Variants in TENT4B observed in about 807,000 individuals in gnomAD.
TENT4B encodes terminal nucleotidyltransferase 4B.
In TENT4B, 10 loss-of-function variants were observed where a neutral mutation model predicts 75.0. That is an observed-to-expected ratio of 0.13 (90% CI 0.08 to 0.23). The LOEUF (loss-of-function observed/expected upper bound fraction) is 0.23. TENT4B is among the 10% of genes least tolerant of loss of function. The probability of loss-of-function intolerance (pLI) is 1.00; values close to 1 mark genes in which losing one functional copy is unlikely to be tolerated. For synonymous variants in TENT4B, 350 were observed against 357.7 expected, an observed-to-expected ratio of 0.98 and a Z score of 0.24; for missense variants, 579 against 893.8, an observed-to-expected ratio of 0.65 and a Z score of 4.49.
rs2032397186 is a variant in TENT4B at position 50,234,782 on chromosome 16, G to A, written c.*5454G>A. The A allele has an allele frequency of 1.0e-6, 1 of 985,500 alleles. No individual in the cohort carries two copies. Among genetic ancestry groups the A allele is most frequent in the Non-Finnish European group, 1.2e-6 (1 of 829,942 alleles). The allele number at this position is 985,500 out of a possible 1,614,324, so 61.0% of individuals were successfully genotyped here. A position where few individuals can be genotyped will look rare whatever the true frequency, so the allele number is the denominator to read the frequency against. On this transcript the variant is annotated 3_prime_UTR_variant, in exon 12 of 12. Coordinates refer to ENST00000561678, the MANE Select transcript of TENT4B (RefSeq NM_001365324.3). ...ATGGGTGAAAAGTGAGGGACGACCA[G>A]TGTAGTTTCTGGATATAAAGTGTGA...
intron 1 of TENT4B, among the ~76,000 whole-genome samples, chr16:50,155,975 C>T (rs949463067): frequency 3.3e-5 from 5 of 151,884 alleles, no homozygotes; most frequent in Non-Finnish European, 7.4e-5. Context: ...TAGAAATTGT[C>T]CTCTCCTCTA....
At chr16:50,225,357 C>T (rs774325952) in intron 10 of TENT4B, 72 bp downstream of exon 10, 34 of 1,373,098 alleles carry the variant, frequency 2.5e-5, no homozygotes, top group Middle Eastern at 1.9e-4. Flanking sequence ...AACACTGTCT[C>T]GAAGGCTAAG....
At chr16:50,222,240 C>G (rs1379653534) in intron 5 of TENT4B, 66 bp from the exon 6 acceptor site, 2 of 1,406,064 alleles carry the variant, frequency 1.4e-6, no homozygotes, top group African/African-American at 2.9e-5. Flanking sequence ...CCAATTTATG[C>G]CCCTCTTAAT....
intron 1 of TENT4B, among the ~76,000 whole-genome samples, chr16:50,172,572 C>CT (rs745326688): frequency 1.1e-3 from 167 of 148,048 alleles, no homozygotes; most frequent in Non-Finnish European, 2.0e-3. Flanking sequence ...CATAGTTTCT[C>CT]TATCTCCCTC....
intron 1 of TENT4B, among the ~76,000 whole-genome samples, chr16:50,194,271 A>G (rs1409050134): frequency 2.8e-5 from 4 of 142,416 alleles, no homozygotes; most frequent in African/African-American, 1.1e-4. Context: ...GCTGGAGTGC[A>G]ATGGTGCAAT....
In TENT4B at chr16:50,214,097, CTT is replaced by C. The variant is rs1166723374; in HGVS notation, c.763-123_763-122del. The C allele has an allele frequency of 3.5e-4, 247 of 698,066 alleles. 2 individuals are homozygous for C. In the East Asian group the frequency reaches 7.0e-3, roughly 20 times the overall value. The allele number at this position is 698,066 out of a possible 1,614,324, so 43.2% of individuals were successfully genotyped here. A position where few individuals can be genotyped will look rare whatever the true frequency, so the allele number is the denominator to read the frequency against. On this transcript the variant is annotated intron_variant, in intron 2 of 11. Transcript: ENST00000561678. ...AAGCTTGGGGTTAGAAAAAAATGCTCTTGTCATACCAAAAAGTACCAGTAGAG... is the reference window on the plus strand; with the variant it reads ...AAGCTTGGGGTTAGAAAAAAATGCTCGTCATACCAAAAAGTACCAGTAGAG...
At chr16:50,226,960 C>T (rs1168484286) in intron 10 of TENT4B, among the ~76,000 whole-genome samples, 1 of 151,942 alleles carries the variant, frequency 6.6e-6, no homozygotes, top group Non-Finnish European at 1.5e-5. Flanking sequence ...TTTTTTTGTT[C>T]CCCCATCCTG....
chr16:50,180,460 A>T lies in TENT4B; in HGVS notation c.638+26201A>T, dbSNP rs182766175. The stretch of plus-strand genomic sequence containing the variant: ...CGGTGGTTCATGCCTGTAATCTCAC[A>T]CTTTGGGAGGCCGAGGTGGGCAGAT... On this transcript the variant is annotated intron_variant, in intron 1 of 11. Transcript: ENST00000561678. Among the ~76,000 whole-genome samples, 296 of 152,256 alleles carry T rather than the reference A, an allele frequency of 1.9e-3. 4 individuals are homozygous for T. The Middle Eastern group carries it at 0.024, about 12-fold the overall frequency.
chr16:50,156,108 G>A (rs865960706), intron 1 of TENT4B, among the ~76,000 whole-genome samples: 2 of 151,990 alleles, frequency 1.3e-5, no homozygotes, highest in Non-Finnish European at 2.9e-5. Context: ...TTCATTTCCC[G>A]GAGGGATTAC....
At chr16:50,162,759 A>G (rs1268266314) in intron 1 of TENT4B, among the ~76,000 whole-genome samples, 1 of 152,218 alleles carries the variant, frequency 6.6e-6, no homozygotes, top group African/African-American at 2.4e-5. Flanking sequence ...CTTAGAAACT[A>G]GTTACTAGCA....
At chr16:50,212,199 G>C (rs1407597191) in intron 2 of TENT4B, among the ~76,000 whole-genome samples, 1 of 152,066 alleles carries the variant, frequency 6.6e-6, no homozygotes, top group Non-Finnish European at 1.5e-5. Flanking sequence ...TGGGACTGCA[G>C]GTGCACGCCA....
In TENT4B at chr16:50,232,983, A is replaced by T. The variant is rs2032339854; in HGVS notation, c.*3655A>T. The T allele has an allele frequency of 1.0e-6, 1 of 984,028 alleles. No homozygotes were observed. Among genetic ancestry groups the T allele is most frequent in the South Asian group, 4.7e-5 (1 of 21,262 alleles). The allele number at this position is 984,028 out of a possible 1,614,324, so 61.0% of individuals were successfully genotyped here. A position where few individuals can be genotyped will look rare whatever the true frequency, so the allele number is the denominator to read the frequency against. Reference sequence around the variant, plus strand: ...AATATTGAAATGTTAAAATTAATGAACAGAAGAATTTATTCTTACCCATCT... The same window carrying T: ...AATATTGAAATGTTAAAATTAATGATCAGAAGAATTTATTCTTACCCATCT... On this transcript the variant is annotated 3_prime_UTR_variant, in exon 12 of 12. Coordinates refer to ENST00000561678, the MANE Select transcript of TENT4B (RefSeq NM_001365324.3).
intron 1 of TENT4B, among the ~76,000 whole-genome samples, chr16:50,163,059 A>G (rs1597220743): frequency 6.6e-6 from 1 of 152,182 alleles, no homozygotes; most frequent in Non-Finnish European, 1.5e-5. Flanking sequence ...GTGACCTGAG[A>G]ATTGGGACTT....
intron 1 of TENT4B, among the ~76,000 whole-genome samples, chr16:50,181,794 C>T (rs902560089): frequency 6.6e-6 from 1 of 152,100 alleles, no homozygotes; most frequent in African/African-American, 2.4e-5. Flanking sequence ...GCTAAATTGT[C>T]TTTCAGCCAA....
At chr16:50,188,840 G>C (rs1652167285) in intron 1 of TENT4B, among the ~76,000 whole-genome samples, 1 of 152,074 alleles carries the variant, frequency 6.6e-6, no homozygotes, top group South Asian at 2.1e-4. Context: ...CTCCAGCCTG[G>C]GCAACATAGC....
At chr16:50,229,107 T>C in intron 11 of TENT4B, 45 bp from the exon 12 acceptor site, 5 of 1,595,904 alleles carry the variant, frequency 3.1e-6, no homozygotes, top group Non-Finnish European at 4.3e-6. Flanking sequence ...ACACTCTGCT[T>C]TTCTGCAATA....
intron 7 of TENT4B, among the ~76,000 whole-genome samples, chr16:50,224,089 G>A (rs949295272): frequency 3.3e-5 from 5 of 152,204 alleles, no homozygotes; most frequent in African/African-American, 1.2e-4. Flanking sequence ...AGGAAAGGGG[G>A]TGAAGAGATA....
intron 1 of TENT4B, among the ~76,000 whole-genome samples, chr16:50,202,267 A>G (rs901390733): frequency 1.3e-5 from 2 of 152,302 alleles, no homozygotes; most frequent in Admixed American, 6.5e-5. Context: ...GTACTGTAAC[A>G]TAGGGAAAGA....
At chr16:50,183,026 A>ATT (rs565434826) in intron 1 of TENT4B, among the ~76,000 whole-genome samples, 14 of 128,912 alleles carry the variant, frequency 1.1e-4, no homozygotes, top group Non-Finnish European at 1.9e-4. Context: ...GCTTTCTTGT[A>ATT]TTTTTTTTTT....
Sources: gnomAD v4.1 joint callset for allele counts (sites outside exome capture counted in the v4.1 genomes callset) on GRCh38, gnomAD v4.1.1 for gene constraint, MANE v1.5 for transcripts, NCBI Gene and HGNC (gene_info 2026-07-23, HGNC 2026-07-21) for gene names.